The following GOLGA2 variants were observed in gnomAD, a reference collection of about 807,000 sequenced individuals.
GOLGA2 encodes golgin subfamily A member 2.
In GOLGA2, 49 loss-of-function variants were observed where a neutral mutation model predicts 148.8. That is an observed-to-expected ratio of 0.33 (90% CI 0.26 to 0.42). GOLGA2 has a LOEUF of 0.42. Ranked by LOEUF, GOLGA2 falls within the 10% of genes least tolerant of loss-of-function variation. The probability of loss-of-function intolerance (pLI) is 1.00; values close to 1 mark genes in which losing one functional copy is unlikely to be tolerated. For missense variants in GOLGA2, 1,178 were observed against 1,304.6 expected (o/e 0.90, Z 1.49); for synonymous variants, 501 against 511.8 (o/e 0.98, Z 0.28).
Position 128,258,336 on chromosome 9 carries a change from C to G in GOLGA2, c.2289+119G>C. On this transcript the variant is annotated intron_variant, in intron 22 of 26. Coordinates refer to ENST00000611957, the MANE Select transcript of GOLGA2 (RefSeq NM_001366244.2). The surrounding 1 kb of genome is among the most constrained non-coding windows in gnomAD (Gnocchi z 6.6). ...GTGAAATGGTGTCTCACCACTGGCT[C>G]CCAGGAAAGGGGTGAGGGTCCGAAG... is the stretch of plus-strand genomic sequence containing the variant. 6 of 1,164,278 alleles carry G rather than the reference C, an allele frequency of 5.2e-6. No individual in the cohort carries two copies. Among genetic ancestry groups the G allele is most frequent in the Non-Finnish European group, 7.6e-6 (6 of 792,230 alleles). The allele number at this position is 1,164,278 out of a possible 1,614,324, so 72.1% of individuals were successfully genotyped here.
Position 128,266,880 on chromosome 9 carries a change from G to T in GOLGA2, c.642+314C>A. The T allele has an allele frequency of 2.1e-6, 1 of 478,004 alleles. No individual in the cohort carries two copies. The highest frequency in any genetic ancestry group is 3.8e-6 in the Non-Finnish European group (1 of 264,122). 29.6% of individuals were successfully genotyped at this position (478,004 alleles called of 1,614,324 possible). A position where few individuals can be genotyped will look rare whatever the true frequency, so the allele number is the denominator to read the frequency against. On this transcript the variant is annotated intron_variant, in intron 8 of 26. Coordinates refer to ENST00000611957, the MANE Select transcript of GOLGA2 (RefSeq NM_001366244.2). The surrounding 1 kb of genome is among the most constrained non-coding windows in gnomAD (Gnocchi z 4.2). ...AATCAAAGAGCAAATTAAGGACTGAGTCAGGGCAGAAATACAGGGCTCCTG... is the reference window on the plus strand; with the variant it reads ...AATCAAAGAGCAAATTAAGGACTGATTCAGGGCAGAAATACAGGGCTCCTG...
At position 128,258,944 on chromosome 9, in the gene GOLGA2, G is replaced by C; in HGVS notation, c.2173+63C>G. 3 of 1,078,878 alleles carry C rather than the reference G, an allele frequency of 2.8e-6. No homozygotes were observed. Among genetic ancestry groups the C allele is most frequent in the South Asian group, 2.5e-5 (2 of 80,362 alleles). The allele number at this position is 1,078,878 out of a possible 1,614,324, so 66.8% of individuals were successfully genotyped here. A position where few individuals can be genotyped will look rare whatever the true frequency, so the allele number is the denominator to read the frequency against. ...GTCTCTTCCAACTCCTCAATTCTACGCTGCTAACAGTCCCCCCTTCTTCCT... is the reference window on the plus strand; with the variant it reads ...GTCTCTTCCAACTCCTCAATTCTACCCTGCTAACAGTCCCCCCTTCTTCCT... On this transcript the variant is annotated intron_variant, in intron 21 of 26. Transcript: ENST00000611957. The surrounding 1 kb of genome is among the most constrained non-coding windows in gnomAD (Gnocchi z 6.6).
intron 2 of GOLGA2, among the ~76,000 whole-genome samples, chr9:128,273,172 T>C (rs1306027185): frequency 7.2e-5 from 11 of 152,178 alleles, no homozygotes; most frequent in Non-Finnish European, 1.5e-4. Flanking sequence ...ATGTGGGCAA[T>C]GAATCTAGTA....
At position 128,261,899 on chromosome 9, in the gene GOLGA2, A is replaced by C; in HGVS notation, c.1135-142T>G. The stretch of plus-strand genomic sequence containing the variant: ...TCAAGTTTCTTTGCTTTAGAAATAA[A>C]AAATAATTTTAAAAAGATCTCAGGC... On this transcript the variant is annotated intron_variant, in intron 14 of 26. Coordinates refer to ENST00000611957, the MANE Select transcript of GOLGA2 (RefSeq NM_001366244.2). The surrounding 1 kb of genome is among the most constrained non-coding windows in gnomAD (Gnocchi z 5.7). 1 of 616,090 alleles carries C rather than the reference A, an allele frequency of 1.6e-6. No homozygotes were observed. The highest frequency in any genetic ancestry group is 2.9e-6 in the Non-Finnish European group (1 of 343,426). The allele number at this position is 616,090 out of a possible 1,614,324, so 38.2% of individuals were successfully genotyped here. A position where few individuals can be genotyped will look rare whatever the true frequency, so the allele number is the denominator to read the frequency against.
intron 12 of GOLGA2, among the ~76,000 whole-genome samples, chr9:128,265,063 G>T (rs1327486341): frequency 6.6e-6 from 1 of 152,138 alleles, no homozygotes; most frequent in African/African-American, 2.4e-5. Context: ...ATTATCTTTT[G>T]TTCAGTTTTT....
chr9:128,263,442 G>C (rs1318915415), intron 12 of GOLGA2, among the ~76,000 whole-genome samples: 1 of 152,042 alleles, frequency 6.6e-6, no homozygotes, highest in Non-Finnish European at 1.5e-5. Context: ...TTTTTTCTGA[G>C]ATGGAGTCTC....
Position 128,261,201 on chromosome 9 carries a change from G to A in GOLGA2, c.1391C>T (p.Thr464Met), listed in dbSNP as rs148804102. The change falls in exon 17 of 27, where the codon ACG becomes ATG. Residue 464 changes from threonine (T) to methionine (M), a missense_variant. Thr to Met is a moderately conservative substitution (Grantham distance 81). This residue lies in a region of GOLGA2 where 529 missense variants were observed against 521.8 expected (regional missense o/e 1.01). Transcript: ENST00000611957. The surrounding 1 kb of genome is among the most constrained non-coding windows in gnomAD (Gnocchi z 5.7). ...CSMSRVQELETSLAELRNQMA... is the reference protein window; with the variant it reads ...CSMSRVQELEMSLAELRNQMA... ...CTGGTTCCTCAGTTCAGCCAAGCTCGTCTCCAGCTCCTGTACCCGACTCAT... is the reference window on the plus strand; with the variant it reads ...CTGGTTCCTCAGTTCAGCCAAGCTCATCTCCAGCTCCTGTACCCGACTCAT... The A allele has an allele frequency of 1.2e-5, 19 of 1,613,422 alleles. No individual in the cohort carries two copies. The highest frequency in any genetic ancestry group is 9.9e-5 in the South Asian group (9 of 91,070).
rs878866954 is a variant in GOLGA2 at position 128,259,340 on chromosome 9, A to G, written c.1924T>C (p.Tyr642His). The change falls in exon 20 of 27, where the codon TAC (tyrosine) becomes CAC (histidine). Residue 642 changes from tyrosine (Y) to histidine (H), a missense_variant. Tyr to His is a moderately conservative substitution (Grantham distance 83). This residue lies in a region of GOLGA2 where 529 missense variants were observed against 521.8 expected (regional missense o/e 1.01). Transcript: ENST00000611957. ...ACATACTGCTGCAGGTGTCCCAGGT[A>G]CTGGTCTCGCTGCTGCTGCAGACTT... Reference protein sequence around the residue: ...AQSLQQQRDQYLGHLQQYVAA... With the variant: ...AQSLQQQRDQHLGHLQQYVAA... 4 of 1,608,090 alleles carry G rather than the reference A, an allele frequency of 2.5e-6. No individual in the cohort carries two copies. The South Asian group carries it at 3.3e-5, about 13-fold the overall frequency.
chr9:128,272,877 GA>G lies in GOLGA2; in HGVS notation c.208-13del. 2.5e-6 allele frequency: 3 copies of G among 1,219,298 alleles called. No individual in the cohort carries two copies. Among genetic ancestry groups the G allele is most frequent in the Non-Finnish European group, 3.2e-6 (3 of 928,008 alleles). The allele number at this position is 1,219,298 out of a possible 1,614,324, so 75.5% of individuals were successfully genotyped here. A position where few individuals can be genotyped will look rare whatever the true frequency, so the allele number is the denominator to read the frequency against. On this transcript the variant is annotated splice_polypyrimidine_tract_variant and intron_variant, in intron 2 of 26. Transcript: ENST00000611957. ...AGAATGTCCTGAATCTACAGGAGGCGAAAAGGGAAAAACAAGGGCAGGGGGA... is the reference window on the plus strand; with the variant it reads ...AGAATGTCCTGAATCTACAGGAGGCGAAAGGGAAAAACAAGGGCAGGGGGA...
chr9:128,266,767 G>T lies in GOLGA2; in HGVS notation c.642+427C>A. ...ACATTCTAATGGGCCTTTAAATCTT[G>T]GACTCTCAGAGCTAAGAGACCTTTG... is the stretch of plus-strand genomic sequence containing the variant. On this transcript the variant is annotated intron_variant, in intron 8 of 26. Coordinates refer to ENST00000611957, the MANE Select transcript of GOLGA2 (RefSeq NM_001366244.2). This position sits in a 1 kb window ranked among gnomAD's most constrained non-coding sequence, Gnocchi z 4.2. 2.9e-6 allele frequency: 1 copy of T among 339,580 alleles called. No individual in the cohort carries two copies. The highest frequency in any genetic ancestry group is 5.4e-6 in the Non-Finnish European group (1 of 184,760). 21.0% of individuals were successfully genotyped at this position (339,580 alleles called of 1,614,324 possible). A position where few individuals can be genotyped will look rare whatever the true frequency, so the allele number is the denominator to read the frequency against.
rs1009074338 is a variant in GOLGA2, at chr9:128,275,051, G to A, written c.84+842C>T. ...AATGTTAAAGTCTCTCTGGAGAGTA[G>A]AAGCCTGGGGGAAAACCAAACCAAT... On this transcript the variant is annotated intron_variant, in intron 1 of 26. Transcript: ENST00000611957. Among the ~76,000 whole-genome samples the A allele has an allele frequency of 2.0e-5, 3 of 152,206 alleles. No individual in the cohort carries two copies. In the East Asian group the frequency reaches 5.8e-4, roughly 29 times the overall value.
At chr9:128,275,468 C>A in intron 1 of GOLGA2, 2 of 1,303,106 alleles carry the variant, frequency 1.5e-6, no homozygotes, top group Non-Finnish European at 2.0e-6. Flanking sequence ...CCAAAGAACC[C>A]CGGGAGGTCC....
In GOLGA2 at chr9:128,267,465, T is replaced by A. The variant is rs751189495; in HGVS notation, c.554A>T (p.Asp185Val). ...CGGCCCAGGGCCTCTTACCTCCAGA[T>A]CCTTCAGGTTAGCAGACGATGCAGG... Reference protein sequence around the residue: ...EGPASSANLKDLESRYQQLAV... With the variant: ...EGPASSANLKVLESRYQQLAV... The change falls in exon 7 of 27, where the codon GAT (aspartate) becomes GTT (valine). Residue 185 changes from aspartate to valine, a missense_variant. Transcript: ENST00000611957. 1.9e-6 allele frequency: 3 copies of A among 1,612,960 alleles called. No individual in the cohort carries two copies. Among genetic ancestry groups the A allele is most frequent in the South Asian group, 1.1e-5 (1 of 91,050 alleles).
chr9:128,262,909 C>G, intron 13 of GOLGA2, 125 bp downstream of exon 13: 1 of 825,062 alleles, frequency 1.2e-6, no homozygotes, highest in Non-Finnish European at 2.1e-6. Flanking sequence ...GGCACTAGAG[C>G]TTTGCTGGGC....
chr9:128,265,812 G>A lies in GOLGA2; in HGVS notation c.802C>T (p.Gln268Ter). ...AELQTALAHTQHAARQKEGES... is the reference protein window; with the variant it reads ...AELQTALAHT ...CCTTCTTTCTGCCTGGCAGCATGCT[G>A]AGTGTGAGCCAGGGCTGTCTGTAAC... The change falls in exon 11 of 27, where the codon CAG becomes TAG. Residue 268 changes from glutamine to a stop codon, truncating the protein, a stop_gained. Transcript: ENST00000611957. LOFTEE classifies it high-confidence loss of function. 1 of 1,613,752 alleles carries A rather than the reference G, an allele frequency of 6.2e-7. No homozygotes were observed. The highest frequency in any genetic ancestry group is 8.5e-7 in the Non-Finnish European group (1 of 1,179,578).
rs1159310220 is a variant in GOLGA2, at chr9:128,272,810, G to A, written c.263C>T (p.Ala88Val). Residue 88 changes from alanine (A) to valine (V), a missense_variant, in exon 3 of 27, where the codon GCG (alanine) becomes GTG (valine). Ala to Val is a moderately conservative substitution (Grantham distance 64, BLOSUM62 0). Transcript: ENST00000611957. ...VSDLNRSNGVALPPLDKWKTP... is the reference protein window; with the variant it reads ...VSDLNRSNGVVLPPLDKWKTP... ...CTTCCACTTGTCCAATGGGGGGAGC[G>A]CTACCCCATTGGAACGGTTAAGGTC... The A allele has an allele frequency of 2.6e-5, 33 of 1,273,468 alleles. No individual in the cohort carries two copies. The highest frequency in any genetic ancestry group is 5.0e-5 in the South Asian group (4 of 80,422). The allele number at this position is 1,273,468 out of a possible 1,614,324, so 78.9% of individuals were successfully genotyped here.
chr9:128,257,764 C>G lies in GOLGA2; in HGVS notation c.2611+26G>C. On this transcript the variant is annotated intron_variant, in intron 24 of 26. Coordinates refer to ENST00000611957, the MANE Select transcript of GOLGA2 (RefSeq NM_001366244.2). This position sits in a 1 kb window ranked among gnomAD's most constrained non-coding sequence, Gnocchi z 8.0. ...CCCTCCGACCGCTGTGCAGCTCCTC[C>G]TGCCGTGCCCTGGCCTCCCACTCAC... 6.2e-7 allele frequency: 1 copy of G among 1,610,344 alleles called. No individual in the cohort carries two copies. Among genetic ancestry groups the G allele is most frequent in the Non-Finnish European group, 8.5e-7 (1 of 1,176,542 alleles).
In GOLGA2 at chr9:128,266,052, G is replaced by C. The variant is rs760796831; in HGVS notation, c.682-32C>G. On this transcript the variant is annotated intron_variant, in intron 9 of 26. Transcript: ENST00000611957. This position sits in a 1 kb window ranked among gnomAD's most constrained non-coding sequence, Gnocchi z 4.2. Reference sequence around the variant, plus strand: ...GAAGAGGAAGACAGAGCTCTTACGAGGGGGAGGCAGAGACGGCACAGCAAG... The same window carrying C: ...GAAGAGGAAGACAGAGCTCTTACGACGGGGAGGCAGAGACGGCACAGCAAG... 2.5e-6 allele frequency: 4 copies of C among 1,581,828 alleles called. No individual in the cohort carries two copies. The Admixed American group carries it at 6.7e-5, about 26-fold the overall frequency.
Position 128,267,254 on chromosome 9 carries a change from C to G in GOLGA2, c.582G>C (p.Ala194=), listed in dbSNP as rs768113142. The change falls in exon 8 of 27, where the codon GCG becomes GCC. Residue 194 remains alanine (A), a synonymous_variant. Coordinates refer to ENST00000611957, the MANE Select transcript of GOLGA2 (RefSeq NM_001366244.2). ...TTACATAGCTGGAGTCCAGGGCTACCGCTAGCTGTTGGTACCGGCTCTGAG... is the reference window on the plus strand; with the variant it reads ...TTACATAGCTGGAGTCCAGGGCTACGGCTAGCTGTTGGTACCGGCTCTGAG... The part of the protein sequence containing the change: ...KDLESRYQQL[A]VALDSSYVTN... 1 of 1,610,538 alleles carries G rather than the reference C, an allele frequency of 6.2e-7. No homozygotes were observed. Among genetic ancestry groups the G allele is most frequent in the Non-Finnish European group, 8.5e-7 (1 of 1,176,798 alleles).
Sources: gnomAD v4.1 joint callset for allele counts (sites outside exome capture counted in the v4.1 genomes callset) on GRCh38, gnomAD v4.1.1 for gene constraint, gnomAD v4.1.1 regional missense constraint, Gnocchi (gnomAD v3.1) non-coding constraint, MANE v1.5 for transcripts, NCBI Gene and HGNC (gene_info 2026-07-23, HGNC 2026-07-21) for gene names.